The following MLLT10 variants were observed in gnomAD, a reference collection of about 807,000 sequenced individuals.
The protein encoded by MLLT10 is MLLT10 histone lysine methyltransferase DOT1L cofactor, also known as protein AF-10.
A neutral mutation model predicts 129.1 loss-of-function variants in MLLT10; 30 were observed. The ratio of observed to expected loss-of-function variants is 0.23; its 90% confidence interval spans 0.17 to 0.32. MLLT10 has a LOEUF of 0.32. Among genes scored for constraint, MLLT10 ranks in the 10% least tolerant of loss-of-function variants. The pLI, the probability that MLLT10 is intolerant of heterozygous loss-of-function variation, is 1.00. For missense variants in MLLT10, 1,119 were observed against 1,268.3 expected (o/e 0.88, Z 1.79); for synonymous variants, 490 against 446.4 (o/e 1.10, Z -1.23).
At chr10:21,653,986 G>C (rs1282642962) in intron 9 of MLLT10, among the ~76,000 whole-genome samples, 1 of 152,240 alleles carries the variant, frequency 6.6e-6, no homozygotes, top group Non-Finnish European at 1.5e-5. Context: ...CGACAAAGGA[G>C]ACTGAGAAGA....
intron 11 of MLLT10, among the ~76,000 whole-genome samples, chr10:21,677,732 T>C (rs2052329747): frequency 6.6e-6 from 1 of 152,230 alleles, no homozygotes; most frequent in South Asian, 2.1e-4. Flanking sequence ...GTATTATGTA[T>C]TACATCATCA....
intron 5 of MLLT10, 146 bp downstream of exon 5, chr10:21,595,586 T>C (rs1160832883): frequency 2.7e-5 from 16 of 583,734 alleles, no homozygotes; most frequent in Non-Finnish European, 4.2e-5. Context: ...GTTATTAAAA[T>C]GTTATTAATA....
At chr10:21,705,368 G>A (rs2055390939) in intron 13 of MLLT10, among the ~76,000 whole-genome samples, 1 of 152,212 alleles carries the variant, frequency 6.6e-6, no homozygotes, top group African/African-American at 2.4e-5. Context: ...CTCCAGACTT[G>A]TGTGCTCTGG....
intron 3 of MLLT10, among the ~76,000 whole-genome samples, chr10:21,575,178 C>CTTATT (rs770106739): frequency 0.028 from 4,267 of 151,692 alleles, 81 homozygotes; most frequent in Middle Eastern, 0.037. Context: ...TAGAACCCTA[C>CTTATT]TTATTTTATT....
chr10:21,588,558 C>T (rs2042213555), intron 4 of MLLT10, among the ~76,000 whole-genome samples: 1 of 151,912 alleles, frequency 6.6e-6, no homozygotes, highest in South Asian at 2.1e-4. Flanking sequence ...AACATTGAGT[C>T]AAAGGAGTTT....
chr10:21,623,670 T>C (rs1474371859), intron 8 of MLLT10, among the ~76,000 whole-genome samples: 1 of 152,276 alleles, frequency 6.6e-6, no homozygotes, highest in Admixed American at 6.5e-5. Flanking sequence ...GAATAATCTT[T>C]AATAAGGAAG....
chr10:21,639,899 G>T (rs1287002526), intron 8 of MLLT10, among the ~76,000 whole-genome samples: 2 of 151,900 alleles, frequency 1.3e-5, no homozygotes, highest in Admixed American at 1.3e-4. Flanking sequence ...TTCATGGCCT[G>T]TCTTGGGGAG....
intron 14 of MLLT10, among the ~76,000 whole-genome samples, chr10:21,725,344 G>A (rs1454580010): frequency 6.6e-6 from 1 of 152,160 alleles, no homozygotes; most frequent in East Asian, 1.9e-4. Flanking sequence ...TGTGCCACTG[G>A]GGTTTGGTAT....
rs141624028 is a variant in MLLT10 at position 21,626,384 on chromosome 10, A to G, written c.699+9177A>G. 3.9e-4 allele frequency: 247 copies of G among 625,462 alleles called. No individual in the cohort carries two copies. The African/African-American group carries it at 4.2e-3, about 11-fold the overall frequency. The allele number at this position is 625,462 out of a possible 1,614,324, so 38.7% of individuals were successfully genotyped here. A position where few individuals can be genotyped will look rare whatever the true frequency, so the allele number is the denominator to read the frequency against. On this transcript the variant is annotated intron_variant, in intron 8 of 22. Coordinates refer to ENST00000307729, the MANE Select transcript of MLLT10 (RefSeq NM_001195626.3). Reference sequence around the variant, plus strand: ...CGCACGCGTGCCACCCCCCAAGTCTATGATTCTTATGTTTACATGGCAAAG... The same window carrying G: ...CGCACGCGTGCCACCCCCCAAGTCTGTGATTCTTATGTTTACATGGCAAAG...
intron 3 of MLLT10, among the ~76,000 whole-genome samples, chr10:21,561,538 C>T (rs937494145): frequency 2.6e-5 from 4 of 152,192 alleles, no homozygotes; most frequent in East Asian, 3.9e-4. Flanking sequence ...GGATTACAGG[C>T]GTGAGCCACT....
intron 3 of MLLT10, among the ~76,000 whole-genome samples, chr10:21,562,192 G>A (rs190279515): frequency 6.6e-6 from 1 of 152,000 alleles, no homozygotes; most frequent in East Asian, 1.9e-4. Flanking sequence ...TTTCAAGATT[G>A]TTTTGGCTAT....
chr10:21,595,591 T>G (rs1054118018), intron 5 of MLLT10, 151 bp downstream of exon 5: 1 of 574,116 alleles, frequency 1.7e-6, no homozygotes, highest in African/African-American at 1.9e-5. Context: ...TAAAATGTTA[T>G]TAATATGTTA....
chr10:21,734,063 C>T lies in MLLT10; in HGVS notation c.2792C>T (p.Thr931Ile). The T allele has an allele frequency of 6.2e-7, 1 of 1,614,086 alleles. No homozygotes were observed. Among genetic ancestry groups the T allele is most frequent in the Non-Finnish European group, 8.5e-7 (1 of 1,179,982 alleles). The change falls in exon 20 of 23, where the codon ACC becomes ATC. Residue 931 changes from threonine (T) to isoleucine (I), a missense_variant. Thr to Ile is a moderately conservative substitution (Grantham distance 89). Around this residue, in one of 5 missense-constraint regions of MLLT10, gnomAD observed 1,004 missense variants for 1,008.7 expected, o/e 1.00. Coordinates refer to ENST00000307729, the MANE Select transcript of MLLT10 (RefSeq NM_001195626.3). ...CCTGTCACAATGTCCCAGAACCCTA[C>T]CCCTCTCACCCACACAACCGTACCA... Reference protein sequence around the residue: ...QTPVTMSQNPTPLTHTTVPPN... With the variant: ...QTPVTMSQNPIPLTHTTVPPN...
intron 7 of MLLT10, among the ~76,000 whole-genome samples, chr10:21,616,881 C>T (rs901060545): frequency 6.6e-6 from 1 of 151,866 alleles, no homozygotes; most frequent in Non-Finnish European, 1.5e-5. Context: ...TGTTTTCACA[C>T]ATTTTAATTA....
At chr10:21,599,736 T>C (rs2043344160) in intron 5 of MLLT10, among the ~76,000 whole-genome samples, 1 of 152,088 alleles carries the variant, frequency 6.6e-6, no homozygotes, top group Non-Finnish European at 1.5e-5. Context: ...GCTAAGTTTT[T>C]TGTATTTTTT....
chr10:21,686,580 A>T (rs529376084), intron 13 of MLLT10, among the ~76,000 whole-genome samples: 61 of 152,340 alleles, frequency 4.0e-4, no homozygotes, highest in Non-Finnish European at 7.5e-4. Context: ...TTATGAAGTT[A>T]TTTCACATAC....
chr10:21,689,604 TA>T (rs2053645632), intron 13 of MLLT10, among the ~76,000 whole-genome samples: 2 of 83,644 alleles, frequency 2.4e-5, no homozygotes, highest in Non-Finnish European at 6.0e-5. Context: ...GTGTGTTTTA[TA>T]TATATATATA....
chr10:21,626,393 A>G, intron 8 of MLLT10: 2 of 619,818 alleles, frequency 3.2e-6, no homozygotes, highest in South Asian at 3.9e-5. Flanking sequence ...TATGATTCTT[A>G]TGTTTACATG....
At chr10:21,568,825 G>A (rs1363529942) in intron 3 of MLLT10, among the ~76,000 whole-genome samples, 4 of 152,064 alleles carry the variant, frequency 2.6e-5, no homozygotes, top group East Asian at 3.9e-4. Context: ...TAGCAGAGAC[G>A]GGGTTTCACC....
Sources: allele counts gnomAD v4.1 joint callset (sites outside exome capture counted in the v4.1 genomes callset), GRCh38; gene constraint gnomAD v4.1.1; regional missense constraint gnomAD v4.1.1; transcripts MANE v1.5; gene names NCBI Gene and HGNC (gene_info 2026-07-23, HGNC 2026-07-21).